Variants in FNBP1 observed in about 807,000 individuals in gnomAD.
FNBP1 encodes formin-binding protein 1.
A neutral mutation model predicts 90.6 loss-of-function variants in FNBP1; 26 were observed. The ratio of observed to expected loss-of-function variants is 0.29; its 90% CI spans 0.21 to 0.40. The LOEUF is 0.40. Ranked by LOEUF, FNBP1 falls within the 10% of genes least tolerant of loss-of-function variation. FNBP1 has a pLI of 1.00. For missense variants in FNBP1, 635 were observed against 768.0 expected (o/e 0.83, Z 2.05); for synonymous variants, 260 against 265.2 (o/e 0.98, Z 0.19).
intron 2 of FNBP1, among the ~76,000 whole-genome samples, chr9:129,989,170 A>AT (rs1462846328): frequency 2.4e-4 from 36 of 152,272 alleles, no homozygotes; most frequent in African/African-American, 8.7e-4. Context: ...CCCCACTTCA[A>AT]TCTCTATCAC....
chr9:129,936,428 G>A (rs947376220), intron 6 of FNBP1: 1 of 152,220 alleles, frequency 6.6e-6, no homozygotes, highest in African/African-American at 2.4e-5. Context: ...GCCACCCAGA[G>A]GCTGGGGACA....
rs1051458344 is a variant in FNBP1, at chr9:129,890,792, A to C, written c.1847-246T>G. On this transcript the variant is annotated intron_variant, in intron 16 of 16. Transcript: ENST00000446176. The surrounding 1 kb of genome is among the most constrained non-coding windows in gnomAD (Gnocchi z 5.8). ...TTCCTTCAGAGTTAAGAGAAGCCCA[A>C]ACAGGAGACTGATGAGGCCATCCGC... Among the ~76,000 whole-genome samples the C allele has an allele frequency of 2.0e-5, 3 of 152,146 alleles. No individual in the cohort carries two copies. The highest frequency in any genetic ancestry group is 7.2e-5 in the African/African-American group (3 of 41,454).
chr9:129,923,759 T>A lies in FNBP1; in HGVS notation c.1170+85A>T, dbSNP rs997640029. On this transcript the variant is annotated intron_variant, in intron 10 of 16. Coordinates refer to ENST00000446176, the MANE Select transcript of FNBP1 (RefSeq NM_015033.3). ...ATATGTTATGGGAAAACACAATGGA[T>A]TCATTCACAAACAAAATTAGTTATG... The A allele has an allele frequency of 6.5e-6, 9 of 1,388,162 alleles. No individual in the cohort carries two copies. In the South Asian group the frequency reaches 1.4e-4, roughly 22 times the overall value. The allele number at this position is 1,388,162 out of a possible 1,614,324, so 86.0% of individuals were successfully genotyped here.
At chr9:130,000,383 C>T (rs771590107) in intron 1 of FNBP1, among the ~76,000 whole-genome samples, 3 of 151,836 alleles carry the variant, frequency 2.0e-5, no homozygotes, top group African/African-American at 4.8e-5. Flanking sequence ...CCCAGCTACT[C>T]GGGAGGCTGA....
At chr9:129,949,649 C>A (rs1305572431) in intron 6 of FNBP1, among the ~76,000 whole-genome samples, 1 of 151,730 alleles carries the variant, frequency 6.6e-6, no homozygotes, top group African/African-American at 2.4e-5. Context: ...TAGCTTGAGC[C>A]CAAGAGTCTG....
chr9:130,025,839 G>A (rs1230892706), intron 1 of FNBP1, among the ~76,000 whole-genome samples: 1 of 152,104 alleles, frequency 6.6e-6, no homozygotes, highest in East Asian at 1.9e-4. Flanking sequence ...CAGAAGAACT[G>A]CTTGAACCCA....
At chr9:129,979,895 G>A (rs1467965319) in intron 2 of FNBP1, among the ~76,000 whole-genome samples, 1 of 151,176 alleles carries the variant, frequency 6.6e-6, no homozygotes, top group East Asian at 2.0e-4. Context: ...TGCCTGCCTT[G>A]GCCTCCCAAA....
At chr9:130,039,909 A>G (rs2059672370) in intron 1 of FNBP1, among the ~76,000 whole-genome samples, 1 of 152,190 alleles carries the variant, frequency 6.6e-6, no homozygotes, top group African/African-American at 2.4e-5. Flanking sequence ...GGTCCCTGAA[A>G]GCTGCAACCA....
At chr9:129,971,650 C>G (rs1285549686) in intron 4 of FNBP1, among the ~76,000 whole-genome samples, 1 of 152,192 alleles carries the variant, frequency 6.6e-6, no homozygotes, top group Non-Finnish European at 1.5e-5. Context: ...CTTGGCCTCC[C>G]AAAGTGCTGG....
rs1050787707 is a variant in FNBP1 at position 130,043,072 on chromosome 9, C to A, written c.-97G>T. The A allele has an allele frequency of 3.5e-6, 4 of 1,140,716 alleles. No homozygotes were observed. The highest frequency in any genetic ancestry group is 4.4e-6 in the Non-Finnish European group (4 of 907,944). 70.7% of individuals were successfully genotyped at this position (1,140,716 alleles called of 1,614,324 possible). A position where few individuals can be genotyped will look rare whatever the true frequency, so the allele number is the denominator to read the frequency against. The stretch of plus-strand genomic sequence containing the variant: ...TTGCCCCCCGAGATCCCCGCGACGG[C>A]GGAAAGCCCGGAGTCCGCGCGGCCT... On this transcript the variant is annotated 5_prime_UTR_variant, in exon 1 of 17. Coordinates refer to ENST00000446176, the MANE Select transcript of FNBP1 (RefSeq NM_015033.3).
At chr9:129,893,867 GAT>G (rs1429811031) in intron 16 of FNBP1, among the ~76,000 whole-genome samples, 47 of 138,572 alleles carry the variant, frequency 3.4e-4, no homozygotes, top group African/African-American at 1.2e-3. Context: ...AGTGAGCCAA[GAT>G]TGTGCCACCG....
intron 11 of FNBP1, among the ~76,000 whole-genome samples, chr9:129,910,504 A>AAAAAAAAAAAAAAAAAG (rs1298095363): frequency 9.6e-6 from 1 of 104,058 alleles, no homozygotes. Flanking sequence ...AAAAAAAAAA[A>AAAAAAAAAAAAAAAAAG]AGAGAGAGAG....
At chr9:129,988,908 A>G (rs2052703093) in intron 2 of FNBP1, among the ~76,000 whole-genome samples, 2 of 152,206 alleles carry the variant, frequency 1.3e-5, no homozygotes, top group African/African-American at 2.4e-5. Flanking sequence ...TCTCCCCTGC[A>G]ATGCAGAAAA....
chr9:129,977,478 G>A (rs1020192150), intron 4 of FNBP1, among the ~76,000 whole-genome samples: 1 of 118,186 alleles, frequency 8.5e-6, no homozygotes, highest in African/African-American at 3.1e-5. Flanking sequence ...CTACTTACAA[G>A]CACTAATTTT....
At chr9:130,009,496 C>A (rs2056250924) in intron 1 of FNBP1, among the ~76,000 whole-genome samples, 1 of 151,902 alleles carries the variant, frequency 6.6e-6, no homozygotes, top group South Asian at 2.1e-4. Flanking sequence ...CTCTACTAAA[C>A]CTCATTTCTA....
intron 1 of FNBP1, among the ~76,000 whole-genome samples, chr9:130,016,439 T>C (rs926176445): frequency 6.6e-6 from 1 of 152,100 alleles, no homozygotes; most frequent in African/African-American, 2.4e-5. Context: ...CCAATCTAGA[T>C]GTCCTTTGAA....
intron 1 of FNBP1, among the ~76,000 whole-genome samples, chr9:129,996,022 C>T (rs941770184): frequency 1.3e-5 from 2 of 151,998 alleles, no homozygotes; most frequent in Non-Finnish European, 2.9e-5. Context: ...GCCGGTTGGA[C>T]GTGGAGGCTG....
At chr9:130,003,453 A>C (rs1037340762) in intron 1 of FNBP1, among the ~76,000 whole-genome samples, 1 of 152,032 alleles carries the variant, frequency 6.6e-6, no homozygotes, top group Non-Finnish European at 1.5e-5. Context: ...AAACTACAAA[A>C]AAAATGAGCC....
intron 1 of FNBP1, among the ~76,000 whole-genome samples, chr9:130,007,248 AAAAAAAAAAG>A (rs1477400337): frequency 6.0e-5 from 9 of 149,112 alleles, no homozygotes; most frequent in African/African-American, 1.0e-4. Context: ...TCAAAAAAAA[AAAAAAAAAAG>A]AAAAAAAAAA....
Sources: allele counts gnomAD v4.1 joint callset (sites outside exome capture counted in the v4.1 genomes callset), GRCh38; gene constraint gnomAD v4.1.1; non-coding constraint Gnocchi (gnomAD v3.1); transcripts MANE v1.5; gene names NCBI Gene and HGNC (gene_info 2026-07-23, HGNC 2026-07-21).